The following SKAP2 variants were observed in gnomAD, a reference collection of about 807,000 sequenced individuals.
The protein encoded by SKAP2 is src kinase-associated phosphoprotein 2.
SKAP2 carries 28 observed loss-of-function variants against 54.9 expected under a neutral mutation model. That is an observed-to-expected ratio of 0.51 (90% confidence interval 0.38 to 0.70). The LOEUF (loss-of-function observed/expected upper bound fraction) is 0.70. Among genes scored for constraint, SKAP2 ranks in the 30% least tolerant of loss-of-function variants. The probability of loss-of-function intolerance (pLI) is 0.00; values close to 1 mark genes in which losing one functional copy is unlikely to be tolerated. For missense variants in SKAP2, 356 were observed against 424.1 expected, an observed-to-expected ratio of 0.84 and a Z score of 1.41; for synonymous variants, 137 against 134.3, an observed-to-expected ratio of 1.02 and a Z score of -0.14.
At chr7:26,828,901 C>T (rs1307121816) in intron 4 of SKAP2, among the ~76,000 whole-genome samples, 2 of 151,772 alleles carry the variant, frequency 1.3e-5, no homozygotes, top group African/African-American at 4.8e-5. Context: ...GTGGTGTGCG[C>T]TTGTAATCCC....
chr7:26,851,380 G>A (rs895492738), intron 3 of SKAP2, among the ~76,000 whole-genome samples: 4 of 152,018 alleles, frequency 2.6e-5, no homozygotes, highest in Non-Finnish European at 5.9e-5. Context: ...GAAGGCGGAG[G>A]TTGCACTGAG....
At chr7:26,851,745 CAA>C (rs1483416320) in intron 3 of SKAP2, among the ~76,000 whole-genome samples, 1 of 149,980 alleles carries the variant, frequency 6.7e-6, no homozygotes, top group African/African-American at 2.5e-5. Context: ...AGAAATACCT[CAA>C]ACTGTAAAAT....
intron 9 of SKAP2, among the ~76,000 whole-genome samples, chr7:26,713,090 C>T (rs1480813794): frequency 1.3e-5 from 2 of 152,246 alleles, no homozygotes; most frequent in South Asian, 4.1e-4. Flanking sequence ...ATTTTAACCT[C>T]TCTGCCTGGC....
intron 9 of SKAP2, among the ~76,000 whole-genome samples, chr7:26,723,963 C>A (rs567103936): frequency 3.3e-4 from 50 of 152,122 alleles, no homozygotes; most frequent in Admixed American, 6.5e-4. Flanking sequence ...AGGGAATATT[C>A]TTCCCTACTT....
At chr7:26,783,848 C>T (rs1444322085) in intron 4 of SKAP2, among the ~76,000 whole-genome samples, 21 of 151,666 alleles carry the variant, frequency 1.4e-4, no homozygotes, top group Admixed American at 8.5e-4. Flanking sequence ...CGCTAAATGA[C>T]GAGTTAAGGG....
intron 4 of SKAP2, among the ~76,000 whole-genome samples, chr7:26,822,605 G>C (rs1784403912): frequency 6.6e-6 from 1 of 152,174 alleles, no homozygotes; most frequent in Middle Eastern, 3.4e-3. Flanking sequence ...GCTGGGCGTG[G>C]TGGCTCAAGC....
Position 26,676,459 on chromosome 7 carries a change from T to C in SKAP2, c.988-6267A>G, listed in dbSNP as rs76376446. 7.0e-3 allele frequency among the ~76,000 whole-genome samples: 1,064 copies of C among 152,348 alleles called. 33 individuals carry two copies. Among genetic ancestry groups the C allele is most frequent in the Admixed American group, 0.049 (748 of 15,304 alleles). Reference sequence around the variant, plus strand: ...AAACACCATTGTCTTTGGAGGTCTCTGTAGGAGTGGTCCATTTTTCCTTTG... The same window carrying C: ...AAACACCATTGTCTTTGGAGGTCTCCGTAGGAGTGGTCCATTTTTCCTTTG... On this transcript the variant is annotated intron_variant, in intron 11 of 12. Coordinates refer to ENST00000345317, the MANE Select transcript of SKAP2 (RefSeq NM_003930.5).
At chr7:26,857,828 A>C in intron 1 of SKAP2, 1 of 694,860 alleles carries the variant, frequency 1.4e-6, no homozygotes, top group Non-Finnish European at 1.8e-6. Flanking sequence ...GTTGGAGAAG[A>C]GATTTGAAGC....
chr7:26,774,951 G>C (rs1304822084), intron 4 of SKAP2, among the ~76,000 whole-genome samples: 1 of 152,078 alleles, frequency 6.6e-6, no homozygotes, highest in Non-Finnish European at 1.5e-5. Flanking sequence ...TGTTGATTTG[G>C]ACTAAAGAGT....
At chr7:26,729,677 G>A (rs1211190077) in intron 6 of SKAP2, among the ~76,000 whole-genome samples, 1 of 152,040 alleles carries the variant, frequency 6.6e-6, no homozygotes, top group Non-Finnish European at 1.5e-5. Flanking sequence ...ACCTTGAAAA[G>A]CTCACTCAGC....
At chr7:26,691,024 G>A (rs559820546) in intron 9 of SKAP2, among the ~76,000 whole-genome samples, 43 of 152,256 alleles carry the variant, frequency 2.8e-4, no homozygotes, top group African/African-American at 1.0e-3. Flanking sequence ...AATGCTGGAT[G>A]TTAAAATCTC....
At position 26,700,836 on chromosome 7, in the gene SKAP2, T is replaced by G. The variant is rs142204099; in HGVS notation, c.797-10474A>C. Among the ~76,000 whole-genome samples the G allele has an allele frequency of 2.0e-4, 31 of 152,336 alleles. No individual in the cohort carries two copies. In the East Asian group the frequency reaches 6.0e-3, roughly 29 times the overall value. On this transcript the variant is annotated intron_variant, in intron 9 of 12. Transcript: ENST00000345317. ...TGCTAGACTCCAGACCTCTAAAGTC[T>G]TTCTCATCCTTCATGTTTCCCTCAA...
chr7:26,835,793 T>TC (rs1784695565), intron 4 of SKAP2, among the ~76,000 whole-genome samples: 1 of 152,052 alleles, frequency 6.6e-6, no homozygotes, highest in South Asian at 2.1e-4. Flanking sequence ...CTCAATGCTA[T>TC]CCCCATCAAG....
In SKAP2 at chr7:26,822,127, G is replaced by GT. The variant is rs1219953481; in HGVS notation, c.307+21902dup. On this transcript the variant is annotated intron_variant, in intron 4 of 12. Coordinates refer to ENST00000345317, the MANE Select transcript of SKAP2 (RefSeq NM_003930.5). ...CAACTGATGAGCCAAAGTAGTAAAC[G>GT]TAACAGATATGTCATTTGGTCTTCA... 1.3e-4 allele frequency among the ~76,000 whole-genome samples: 20 copies of GT among 152,206 alleles called. No homozygotes were observed. The East Asian group carries it at 3.9e-3, about 29-fold the overall frequency.
intron 9 of SKAP2, among the ~76,000 whole-genome samples, chr7:26,717,698 T>C (rs1010145641): frequency 6.7e-6 from 1 of 150,032 alleles, no homozygotes; most frequent in African/African-American, 2.4e-5. Context: ...CTGGGCGTGG[T>C]GGCGCATGCC....
At chr7:26,656,656 A>G in the SKAP2 span, among the ~76,000 whole-genome samples, 2 of 152,224 alleles carry the variant, frequency 1.3e-5, no homozygotes, top group African/African-American at 4.8e-5. Flanking sequence ...AAGACAATGA[A>G]TCTTATTGCA....
intron 4 of SKAP2, among the ~76,000 whole-genome samples, chr7:26,827,543 T>C (rs1272957112): frequency 3.0e-4 from 45 of 152,118 alleles, no homozygotes; most frequent in Admixed American, 2.9e-3. Context: ...TGGAGGAAGA[T>C]ACAGAGAAAG....
At chr7:26,857,796 G>C (rs1584430765) in intron 1 of SKAP2, 3 of 916,512 alleles carry the variant, frequency 3.3e-6, no homozygotes, top group Middle Eastern at 5.6e-4. Context: ...AGTCTTGGGC[G>C]AATCAAGTGT....
intron 11 of SKAP2, among the ~76,000 whole-genome samples, chr7:26,673,516 T>A (rs1281357257): frequency 6.6e-6 from 1 of 152,096 alleles, no homozygotes; most frequent in Non-Finnish European, 1.5e-5. Context: ...AACACAAAGC[T>A]GCTTTCTCCT....
Sources: gnomAD v4.1 joint callset for allele counts (sites outside exome capture counted in the v4.1 genomes callset) on GRCh38, gnomAD v4.1.1 for gene constraint, MANE v1.5 for transcripts, NCBI Gene and HGNC (gene_info 2026-07-23, HGNC 2026-07-21) for gene names.